Variants in FXR1 observed in about 807,000 individuals in gnomAD.
The protein encoded by FXR1 is RNA-binding protein FXR1.
In FXR1, 15 loss-of-function variants were observed where a neutral mutation model predicts 84.0. The observed-to-expected ratio is 0.18, with a 90% CI of 0.12 to 0.27. The LOEUF is 0.27. FXR1 is among the 10% of genes least tolerant of loss of function. FXR1 has a pLI of 1.00. For missense variants in FXR1, 480 were observed against 774.4 expected, an observed-to-expected ratio of 0.62 and a Z score of 4.51; for synonymous variants, 245 against 250.7, an observed-to-expected ratio of 0.98 and a Z score of 0.21.
chr3:180,933,210 C>G, intron 1 of FXR1, 124 bp from the exon 2 acceptor site: 2 of 624,388 alleles, frequency 3.2e-6, no homozygotes, highest in East Asian at 2.9e-5. Context: ...ATCAAACTCA[C>G]ATCTGCCTAA....
intron 15 of FXR1, 128 bp downstream of exon 15, chr3:180,970,486 T>G (rs1713433383): frequency 1.4e-5 from 3 of 215,600 alleles, no homozygotes; most frequent in African/African-American, 7.1e-5. Context: ...CAAATTGACT[T>G]TTTCTTAGTG....
At chr3:180,972,900 G>A (rs1577008812) in intron 15 of FXR1, among the ~76,000 whole-genome samples, 2 of 152,304 alleles carry the variant, frequency 1.3e-5, no homozygotes, top group East Asian at 3.9e-4. Context: ...CTAGGAGGCA[G>A]CCTCCCTCTA....
chr3:180,928,920 AT>A (rs1391300976), intron 1 of FXR1, among the ~76,000 whole-genome samples: 2 of 148,322 alleles, frequency 1.3e-5, no homozygotes, highest in Admixed American at 6.8e-5. Context: ...AATTTATGGC[AT>A]TTTTTGTTTG....
At chr3:180,939,425 G>T (rs887952132) in intron 3 of FXR1, among the ~76,000 whole-genome samples, 3 of 152,078 alleles carry the variant, frequency 2.0e-5, no homozygotes, top group Admixed American at 6.6e-5. Flanking sequence ...AGATGGTCAG[G>T]CTCGATTGTT....
At chr3:180,930,911 CCCAGCTACTG>C (rs1214930192) in intron 1 of FXR1, among the ~76,000 whole-genome samples, 1 of 150,898 alleles carries the variant, frequency 6.6e-6, no homozygotes, top group Non-Finnish European at 1.5e-5. Flanking sequence ...GTGGTGTAGT[CCCAGCTACTG>C]GGGAGGTTGA....
At chr3:180,914,012 A>G (rs1717573735) in intron 1 of FXR1, among the ~76,000 whole-genome samples, 1 of 152,102 alleles carries the variant, frequency 6.6e-6, no homozygotes, top group Non-Finnish European at 1.5e-5. Flanking sequence ...TTTAACTGTC[A>G]CGTGGTACCA....
intron 9 of FXR1, chr3:180,957,535 GA>G (rs1711518751): frequency 4.0e-6 from 1 of 251,894 alleles, no homozygotes; most frequent in African/African-American, 2.2e-5. Flanking sequence ...ATATGAAAAT[GA>G]TATAAGCATA....
chr3:180,916,207 G>A (rs940085466), intron 1 of FXR1, among the ~76,000 whole-genome samples: 1 of 152,184 alleles, frequency 6.6e-6, no homozygotes, highest in Admixed American at 6.5e-5. Context: ...TAAGTGTACA[G>A]TTGAATGACA....
chr3:180,963,100 AATT>A lies in FXR1; in HGVS notation c.1198+11_1198+13del, dbSNP rs1560016237. On this transcript the variant is annotated intron_variant, in intron 13 of 16. Coordinates refer to ENST00000357559, the MANE Select transcript of FXR1 (RefSeq NM_005087.4). ...TACACCTCCGGTTATGGTAAAAAAAAATTTTTTTTTTTTTTTTTTGGTAATAGT... is the reference window on the plus strand; with the variant it reads ...TACACCTCCGGTTATGGTAAAAAAAATTTTTTTTTTTTTTTTGGTAATAGT... 46 of 1,278,418 alleles carry A rather than the reference AATT, an allele frequency of 3.6e-5. No homozygotes were observed. The highest frequency in any genetic ancestry group is 4.5e-5 in the Non-Finnish European group (41 of 902,142). 79.2% of individuals were successfully genotyped at this position (1,278,418 alleles called of 1,614,324 possible).
chr3:180,961,351 AAAAAAAAAAAAAAAAAG>A lies in FXR1; in HGVS notation c.991-116_991-100del, dbSNP rs1477739065. Reference sequence around the variant, plus strand: ...CAAGACGTCATCTCAAAAAAAAAAAAAAAAAAAAAAAAAAAAGGTGTGTGTGTGTGTGCCTGCCTGTC... The same window carrying A: ...CAAGACGTCATCTCAAAAAAAAAAAAGTGTGTGTGTGTGTGCCTGCCTGTC... On this transcript the variant is annotated intron_variant, in intron 10 of 16. Transcript: ENST00000357559. 1.8e-4 allele frequency: 80 copies of A among 434,924 alleles called. No homozygotes were observed. The South Asian group carries it at 2.4e-3, about 13-fold the overall frequency. 26.9% of individuals were successfully genotyped at this position (434,924 alleles called of 1,614,324 possible). A position where few individuals can be genotyped will look rare whatever the true frequency, so the allele number is the denominator to read the frequency against.
At chr3:180,922,389 G>C (rs755010083) in intron 1 of FXR1, among the ~76,000 whole-genome samples, 4 of 152,128 alleles carry the variant, frequency 2.6e-5, no homozygotes, top group Non-Finnish European at 4.4e-5. Flanking sequence ...ATTGGAACTT[G>C]ATCCCAGTTG....
chr3:180,952,086 A>G (rs1052100103), intron 8 of FXR1, among the ~76,000 whole-genome samples: 4 of 152,140 alleles, frequency 2.6e-5, no homozygotes, highest in South Asian at 4.1e-4. Context: ...ATATTTTTAT[A>G]TATGTAAATT....
intron 3 of FXR1, among the ~76,000 whole-genome samples, chr3:180,943,265 CTTTT>C (rs71182562): frequency 3.6e-5 from 1 of 27,636 alleles, no homozygotes; most frequent in Non-Finnish European, 6.1e-5. Context: ...CTGTGCCCGG[CTTTT>C]TTTTTTTTTT....
rs1577015436 is a variant in FXR1 at position 180,976,454 on chromosome 3, T to G, written c.*162T>G. On this transcript the variant is annotated 3_prime_UTR_variant, in exon 17 of 17. Transcript: ENST00000357559. ...GAGGGATCCTGAAGAAATCATATGT[T>G]AAACATACTTTGACACCTACTGTGT... The G allele has an allele frequency of 9.7e-6, 5 of 515,782 alleles. No homozygotes were observed. In the East Asian group the frequency reaches 1.3e-4, roughly 13 times the overall value. The allele number at this position is 515,782 out of a possible 1,614,324, so 32.0% of individuals were successfully genotyped here.
chr3:180,934,121 C>T (rs1720261875), intron 2 of FXR1, among the ~76,000 whole-genome samples: 2 of 152,022 alleles, frequency 1.3e-5, no homozygotes, highest in Admixed American at 6.6e-5. Flanking sequence ...TCTCCAAGAG[C>T]ACTGTTTAAT....
intron 3 of FXR1, among the ~76,000 whole-genome samples, chr3:180,947,623 G>A (rs116185798): frequency 0.01 from 1,559 of 152,178 alleles, 33 homozygotes; most frequent in African/African-American, 0.036. Flanking sequence ...CTTATGTTTA[G>A]TAAACCTCAT....
At chr3:180,939,755 GGGTTTGGTCAGTTTTGTGCCAGAC>G (rs1185699840) in intron 3 of FXR1, among the ~76,000 whole-genome samples, 1 of 152,168 alleles carries the variant, frequency 6.6e-6, no homozygotes, top group Non-Finnish European at 1.5e-5. Flanking sequence ...TGTATTCAGA[GGGTTTGGTCAGTTTTGTGCCAGAC>G]TCACAACATT....
At chr3:180,973,534 T>C (rs1577010071) in intron 15 of FXR1, among the ~76,000 whole-genome samples, 1 of 152,250 alleles carries the variant, frequency 6.6e-6, no homozygotes, top group African/African-American at 2.4e-5. Flanking sequence ...GTTCTTGTAA[T>C]AGGTTTGCTA....
intron 3 of FXR1, among the ~76,000 whole-genome samples, chr3:180,937,636 TTAATA>T (rs1306993345): frequency 1.3e-5 from 2 of 152,084 alleles, no homozygotes; most frequent in Non-Finnish European, 2.9e-5. Context: ...AATTTAAAAA[TTAATA>T]TAAGGAAAAA....
Sources: allele counts gnomAD v4.1 joint callset (sites outside exome capture counted in the v4.1 genomes callset), GRCh38; gene constraint gnomAD v4.1.1; transcripts MANE v1.5; gene names NCBI Gene and HGNC (gene_info 2026-07-23, HGNC 2026-07-21).